Variants in TRIP13 observed in about 807,000 individuals in gnomAD.
TRIP13 encodes the protein pachytene checkpoint protein 2 homolog.
TRIP13 carries 25 observed loss-of-function variants against 54.4 expected under a neutral mutation model. The observed-to-expected ratio is 0.46, with a 90% CI of 0.33 to 0.64. The LOEUF is 0.64. TRIP13 is among the 30% of genes least tolerant of loss of function. TRIP13 has a pLI of 0.02. For missense variants in TRIP13, 373 were observed against 534.2 expected (o/e 0.70, Z 2.97); for synonymous variants, 207 against 207.8 (o/e 1.00, Z 0.03).
In TRIP13 at chr5:900,636, G is replaced by A. The variant is rs1395298165; in HGVS notation, c.444+87G>A. ...GCTCTCCAACACCCCTGAGCAACTT[G>A]ATGCAGATGGGTTTTTGGGAGCCCC... On this transcript the variant is annotated intron_variant, in intron 4 of 12. Transcript: ENST00000166345. The A allele has an allele frequency of 2.1e-6, 3 of 1,449,972 alleles. No individual in the cohort carries two copies. The East Asian group carries it at 7.1e-5, about 34-fold the overall frequency. 89.8% of individuals were successfully genotyped at this position (1,449,972 alleles called of 1,614,324 possible). A position where few individuals can be genotyped will look rare whatever the true frequency, so the allele number is the denominator to read the frequency against.
intron 1 of TRIP13, among the ~76,000 whole-genome samples, chr5:894,291 G>C (rs988776399): frequency 6.6e-6 from 1 of 152,124 alleles, no homozygotes; most frequent in Non-Finnish European, 1.5e-5. Context: ...TGTAGAAAGG[G>C]GAGGTGTTAG....
intron 1 of TRIP13, among the ~76,000 whole-genome samples, chr5:894,182 A>G (rs1004952711): frequency 6.6e-6 from 1 of 152,154 alleles, no homozygotes; most frequent in African/African-American, 2.4e-5. Context: ...GGAGGCAGAC[A>G]TTGAATAGGA....
At position 911,391 on chromosome 5, in the gene TRIP13, G is replaced by GA. The variant is rs1214075425; in HGVS notation, c.867-449dup. Among the ~76,000 whole-genome samples the GA allele has an allele frequency of 6.6e-6, 1 of 151,968 alleles. No individual in the cohort carries two copies. The highest frequency in any genetic ancestry group is 1.5e-5 in the Non-Finnish European group (1 of 67,984). On this transcript the variant is annotated intron_variant, in intron 9 of 12. Coordinates refer to ENST00000166345, the MANE Select transcript of TRIP13 (RefSeq NM_004237.4). The surrounding 1 kb of genome is among the most constrained non-coding windows in gnomAD (Gnocchi z 4.7). ...TCGAGACCATCCTGGCTAACACGGT[G>GA]AAACCCCGTCTCCACTAAAAATACA...
chr5:912,959 T>C lies in TRIP13; in HGVS notation c.1020+963T>C, dbSNP rs948877491. 6.6e-6 allele frequency among the ~76,000 whole-genome samples: 1 copy of C among 151,934 alleles called. No homozygotes were observed. The highest frequency in any genetic ancestry group is 2.1e-4 in the South Asian group (1 of 4,808). ...ACCTGCTGGTACCACAGAGTAGGGG[T>C]GTTAACAAGGATGGCACACCCTGCT... On this transcript the variant is annotated intron_variant, in intron 10 of 12. Transcript: ENST00000166345. The surrounding 1 kb of genome is among the most constrained non-coding windows in gnomAD (Gnocchi z 7.2).
chr5:908,393 G>C lies in TRIP13; in HGVS notation c.798G>C (p.Ala266=), dbSNP rs143998019. ...SLTAARNACR[A]GTEPSDAIRV... is the part of the protein sequence containing the mutation. ...CAGCCGCCCGAAATGCCTGCAGGGCGGGCACCGAGCCATCAGATGCCATCC... is the reference window on the plus strand; with the variant it reads ...CAGCCGCCCGAAATGCCTGCAGGGCCGGCACCGAGCCATCAGATGCCATCC... The change falls in exon 9 of 13, where the codon GCG becomes GCC. Residue 266 remains alanine, a synonymous_variant. Transcript: ENST00000166345. This position sits in a 1 kb window ranked among gnomAD's most constrained non-coding sequence, Gnocchi z 5.2. 1 of 1,613,050 alleles carries C rather than the reference G, an allele frequency of 6.2e-7. No homozygotes were observed. The highest frequency in any genetic ancestry group is 1.3e-5 in the African/African-American group (1 of 74,932).
At chr5:900,188 G>A (rs1753952043) in intron 3 of TRIP13, among the ~76,000 whole-genome samples, 1 of 152,226 alleles carries the variant, frequency 6.6e-6, no homozygotes, top group Admixed American at 6.5e-5. Context: ...AAGAAGGATG[G>A]GAAGTTAAAG....
At chr5:914,405 C>T (rs769722997) in intron 10 of TRIP13, 60 bp from the exon 11 acceptor site, 48 of 1,192,848 alleles carry the variant, frequency 4.0e-5, no homozygotes, top group East Asian at 1.6e-4. Flanking sequence ...CTCTTGCTGA[C>T]GGTGCCTACG....
At position 896,659 on chromosome 5, in the gene TRIP13, T is replaced by C. The variant is rs747523618; in HGVS notation, c.259-6T>C. 4.4e-6 allele frequency: 7 copies of C among 1,605,134 alleles called. No individual in the cohort carries two copies. The African/African-American group carries it at 5.3e-5, about 12-fold the overall frequency. ...TGTGTCGATATTGGCTTTTCCCTCA[T>C]TTTAGCCCATCGATTTGAGTGCATG... On this transcript the variant is annotated splice_polypyrimidine_tract_variant and splice_region_variant and intron_variant, in intron 2 of 12. Transcript: ENST00000166345.
intron 2 of TRIP13, among the ~76,000 whole-genome samples, chr5:895,488 GACTTATC>G (rs34308287): frequency 0.091 from 13,892 of 152,170 alleles, 979 homozygotes; most frequent in Admixed American, 0.2. Flanking sequence ...TCCTAAGGAA[GACTTATC>G]ACTTACAGCA....
At chr5:905,005 A>T (rs111227976) in intron 6 of TRIP13, among the ~76,000 whole-genome samples, 5,214 of 152,258 alleles carry the variant, frequency 0.034, 130 homozygotes, top group Non-Finnish European at 0.049. Flanking sequence ...CTTTGTTAGC[A>T]TGTTAGGTAG....
chr5:905,239 G>A (rs1754088362), intron 6 of TRIP13, among the ~76,000 whole-genome samples: 1 of 152,118 alleles, frequency 6.6e-6, no homozygotes. Context: ...GGATCCGTGG[G>A]CACTCTCCAC....
rs1014517911 is a variant in TRIP13, at chr5:907,729, C to T, written c.673-259C>T. 6.6e-5 allele frequency among the ~76,000 whole-genome samples: 10 copies of T among 152,240 alleles called. No homozygotes were observed. The highest frequency in any genetic ancestry group is 2.4e-4 in the African/African-American group (10 of 41,460). On this transcript the variant is annotated intron_variant, in intron 7 of 12. Coordinates refer to ENST00000166345, the MANE Select transcript of TRIP13 (RefSeq NM_004237.4). This position sits in a 1 kb window ranked among gnomAD's most constrained non-coding sequence, Gnocchi z 4.1. ...ACAGGTAAAGCAGAGGTACAGGTCACCCTCACTGTGCCGCCCCGGGCAGGT... is the reference window on the plus strand; with the variant it reads ...ACAGGTAAAGCAGAGGTACAGGTCATCCTCACTGTGCCGCCCCGGGCAGGT...
intron 9 of TRIP13, among the ~76,000 whole-genome samples, chr5:910,029 TG>T (rs1231143642): frequency 3.3e-5 from 5 of 152,344 alleles, no homozygotes; most frequent in African/African-American, 1.2e-4. Flanking sequence ...GGCCAGATTT[TG>T]GGGGGCTTGT....
Position 907,827 on chromosome 5 carries a change from A to G in TRIP13, c.673-161A>G, listed in dbSNP as rs1754147225. Among the ~76,000 whole-genome samples, 1 of 152,144 alleles carries G rather than the reference A, an allele frequency of 6.6e-6. No individual in the cohort carries two copies. Among genetic ancestry groups the G allele is most frequent in the Non-Finnish European group, 1.5e-5 (1 of 68,024 alleles). On this transcript the variant is annotated intron_variant, in intron 7 of 12. Transcript: ENST00000166345. The surrounding 1 kb of genome is among the most constrained non-coding windows in gnomAD (Gnocchi z 4.1). ...AAGAGTGTTAGGCTGACCTCCTCCC[A>G]TGCTGCCCTAGCTTCTCTGATTTAG...
rs535931274 is a variant in TRIP13 at position 901,790 on chromosome 5, G to A, written c.535+359G>A. Among the ~76,000 whole-genome samples, 232 of 152,092 alleles carry A rather than the reference G, an allele frequency of 1.5e-3. 3 individuals carry two copies. The highest frequency in any genetic ancestry group is 5.4e-3 in the Admixed American group (82 of 15,270). The stretch of plus-strand genomic sequence containing the variant: ...GGCATGCGCCACCACACCCAGCTAA[G>A]TTTTGTATTTTTAGTAGAGACGGGG... On this transcript the variant is annotated intron_variant, in intron 5 of 12. Coordinates refer to ENST00000166345, the MANE Select transcript of TRIP13 (RefSeq NM_004237.4).
In TRIP13 at chr5:901,204, G is replaced by T. The variant is rs1178813293; in HGVS notation, c.445-137G>T. 28 of 618,208 alleles carry T rather than the reference G, an allele frequency of 4.5e-5. No individual in the cohort carries two copies. The Admixed American group carries it at 9.1e-4, about 20-fold the overall frequency. 38.3% of individuals were successfully genotyped at this position (618,208 alleles called of 1,614,324 possible). On this transcript the variant is annotated intron_variant, in intron 4 of 12. Transcript: ENST00000166345. ...TTCTGAAATGAAAGCGTTTGGAGGT[G>T]ATGATCTCTTAGGAGGCGGCCTCGC...
At chr5:906,159 C>A in intron 6 of TRIP13, among the ~76,000 whole-genome samples, 1 of 152,106 alleles carries the variant, frequency 6.6e-6, no homozygotes, top group East Asian at 1.9e-4. Context: ...CTGTGGTGAG[C>A]CTGGGTGACG....
At chr5:903,009 G>A (rs1051666383) in intron 5 of TRIP13, among the ~76,000 whole-genome samples, 5 of 152,170 alleles carry the variant, frequency 3.3e-5, no homozygotes, top group Non-Finnish European at 4.4e-5. Flanking sequence ...ACATGAAGGC[G>A]GACTAGGAGC....
In TRIP13 at chr5:892,954, C is replaced by A; in HGVS notation, c.-45C>A. The A allele has an allele frequency of 7.0e-7, 1 of 1,431,752 alleles. No homozygotes were observed. 88.7% of individuals were successfully genotyped at this position (1,431,752 alleles called of 1,614,324 possible). A position where few individuals can be genotyped will look rare whatever the true frequency, so the allele number is the denominator to read the frequency against. ...GGCGGCGACGCTGGGCGTGAGGTGG[C>A]GGCGGCCGCGCCCTGGTTGGGTCCC... On this transcript the variant is annotated 5_prime_UTR_variant, in exon 1 of 13. Transcript: ENST00000166345.
Sources: gnomAD v4.1 joint callset for allele counts (sites outside exome capture counted in the v4.1 genomes callset) on GRCh38, gnomAD v4.1.1 for gene constraint, Gnocchi (gnomAD v3.1) non-coding constraint, MANE v1.5 for transcripts, NCBI Gene and HGNC (gene_info 2026-07-23, HGNC 2026-07-21) for gene names.